Variants in DTX1 observed in about 807,000 individuals in gnomAD.
DTX1 encodes the protein E3 ubiquitin-protein ligase DTX1.
Under a neutral mutation model 57.8 loss-of-function variants are expected in DTX1, and 26 were observed. The ratio of observed to expected loss-of-function variants is 0.45; its 90% CI spans 0.33 to 0.62. The LOEUF (loss-of-function observed/expected upper bound fraction) is 0.62, where lower values mean the gene tolerates loss of function less well. Among genes scored for constraint, DTX1 ranks in the 20% least tolerant of loss-of-function variants. The pLI, the probability that DTX1 is intolerant of heterozygous loss-of-function variation, is 0.02. For synonymous variants in DTX1, 398 were observed against 394.1 expected, an observed-to-expected ratio of 1.01 and a Z score of -0.12; for missense variants, 704 against 895.3, an observed-to-expected ratio of 0.79 and a Z score of 2.73.
At chr12:113,086,041 G>A (rs567289141) in intron 3 of DTX1, among the ~76,000 whole-genome samples, 1 of 152,284 alleles carries the variant, frequency 6.6e-6, no homozygotes, top group East Asian at 1.9e-4. Flanking sequence ...GCTAAGGTGG[G>A]AGGATCACTT....
In DTX1 at chr12:113,078,030, C is replaced by T; in HGVS notation, c.866C>T (p.Pro289Leu). ...GGCGCCCCCGGCGGAGCGCGCACCCCGGGGCAGAACAACCTCAACCGGCCC... is the reference window on the plus strand; with the variant it reads ...GGCGCCCCCGGCGGAGCGCGCACCCTGGGGCAGAACAACCTCAACCGGCCC... ...SPGAPGGART[P>L]GQNNLNRPGP... Residue 289 changes from proline to leucine, a missense_variant, in exon 3 of 10, where the codon CCG becomes CTG. Transcript: ENST00000548759. 6.2e-6 allele frequency: 8 copies of T among 1,280,966 alleles called. No individual in the cohort carries two copies. The highest frequency in any genetic ancestry group is 7.9e-6 in the Non-Finnish European group (8 of 1,010,982). 79.3% of individuals were successfully genotyped at this position (1,280,966 alleles called of 1,614,324 possible).
At chr12:113,092,885 C>T (rs1400589196) in intron 3 of DTX1, among the ~76,000 whole-genome samples, 1 of 152,238 alleles carries the variant, frequency 6.6e-6, no homozygotes, top group African/African-American at 2.4e-5. Flanking sequence ...CCAAAGCGCC[C>T]TCTCGAGGGA....
chr12:113,069,408 C>A (rs2044725518), intron 2 of DTX1, among the ~76,000 whole-genome samples: 2 of 152,172 alleles, frequency 1.3e-5, no homozygotes, highest in African/African-American at 4.8e-5. Flanking sequence ...CGCAGCCCTT[C>A]AGCCTTCCTT....
Position 113,057,461 on chromosome 12 carries a change from A to G in DTX1, c.-732A>G, listed in dbSNP as rs1345951341. ...TGTCTCCTGGCAGGTCGCGAGCACGAGTGGGGTGGGGCGTGCCCACGGGCC... is the reference window on the plus strand; with the variant it reads ...TGTCTCCTGGCAGGTCGCGAGCACGGGTGGGGTGGGGCGTGCCCACGGGCC... On this transcript the variant is annotated 5_prime_UTR_variant, in exon 2 of 10. Transcript: ENST00000548759. The G allele has an allele frequency of 6.6e-6, 1 of 151,890 alleles. No homozygotes were observed. Among genetic ancestry groups the G allele is most frequent in the Non-Finnish European group, 1.5e-5 (1 of 68,164 alleles). The allele number at this position is 151,890 out of a possible 1,614,324, so 9.4% of individuals were successfully genotyped here.
chr12:113,086,304 A>G (rs1855720008), intron 3 of DTX1, among the ~76,000 whole-genome samples: 2 of 151,694 alleles, frequency 1.3e-5, no homozygotes, highest in African/African-American at 4.8e-5. Flanking sequence ...GAGCATTCCA[A>G]CATGCCAGAC....
At chr12:113,070,804 A>G (rs1010295378) in intron 2 of DTX1, among the ~76,000 whole-genome samples, 6 of 152,086 alleles carry the variant, frequency 3.9e-5, no homozygotes, top group Non-Finnish European at 7.4e-5. Flanking sequence ...CCTTTACTCC[A>G]CGAGTGTGGC....
In DTX1 at chr12:113,093,475, C is replaced by A. The variant is rs1373744750; in HGVS notation, c.1004-64C>A. 1.7e-5 allele frequency: 20 copies of A among 1,180,680 alleles called. No homozygotes were observed. In the Admixed American group the frequency reaches 2.9e-4, roughly 17 times the overall value. 73.1% of individuals were successfully genotyped at this position (1,180,680 alleles called of 1,614,324 possible). ...CCCGAGGGCCCCGGGATTCCCAGGGCCAGTGGTCGGGGGTTTGGGCGGGGA... is the reference window on the plus strand; with the variant it reads ...CCCGAGGGCCCCGGGATTCCCAGGGACAGTGGTCGGGGGTTTGGGCGGGGA... On this transcript the variant is annotated intron_variant, in intron 4 of 9. Transcript: ENST00000548759. The surrounding 1 kb of genome is among the most constrained non-coding windows in gnomAD (Gnocchi z 4.2).
intron 1 of DTX1, among the ~76,000 whole-genome samples, chr12:113,057,179 C>T (rs1475737211): frequency 6.6e-6 from 1 of 152,012 alleles, no homozygotes; most frequent in Non-Finnish European, 1.5e-5. Context: ...CCGGCATCCC[C>T]CCGGCAGGGC....
chr12:113,085,994 AC>A (rs2044853996), intron 3 of DTX1, among the ~76,000 whole-genome samples: 1 of 152,206 alleles, frequency 6.6e-6, no homozygotes, highest in Admixed American at 6.5e-5. Flanking sequence ...TGGTCCAGGC[AC>A]TGTGGCTCAC....
In DTX1 at chr12:113,096,956, C is replaced by A. The variant is rs1179662028; in HGVS notation, c.*17C>A. 6.3e-7 allele frequency: 1 copy of A among 1,598,956 alleles called. No individual in the cohort carries two copies. Among genetic ancestry groups the A allele is most frequent in the Admixed American group, 1.7e-5 (1 of 59,082 alleles). ...AAGGCTTGAGGCCCAAGGCTGCCCA[C>A]CTTCCCTCCTGCTTTGCCCCTGGTC... is the stretch of plus-strand genomic sequence containing the variant. On this transcript the variant is annotated 3_prime_UTR_variant, in exon 10 of 10. Coordinates refer to ENST00000548759, the MANE Select transcript of DTX1 (RefSeq NM_004416.3).
chr12:113,084,535 A>G (rs1005455834), intron 3 of DTX1, among the ~76,000 whole-genome samples: 1 of 152,110 alleles, frequency 6.6e-6, no homozygotes, highest in African/African-American at 2.4e-5. Flanking sequence ...AAAGGTATGC[A>G]CCACCATGCC....
At chr12:113,088,073 A>G (rs763758735) in intron 3 of DTX1, among the ~76,000 whole-genome samples, 5 of 152,156 alleles carry the variant, frequency 3.3e-5, no homozygotes, top group Non-Finnish European at 5.9e-5. Flanking sequence ...TCAACTCCAG[A>G]TGGCTCCACA....
At chr12:113,078,685 T>C (rs1241527451) in intron 3 of DTX1, among the ~76,000 whole-genome samples, 3 of 152,216 alleles carry the variant, frequency 2.0e-5, no homozygotes, top group South Asian at 2.1e-4. Context: ...AATTCCAAAG[T>C]CTGTGCTGTG....
intron 2 of DTX1, among the ~76,000 whole-genome samples, chr12:113,066,891 C>T (rs2044706962): frequency 1.3e-5 from 2 of 152,126 alleles, no homozygotes; most frequent in African/African-American, 2.4e-5. Flanking sequence ...CAGGAGCTGC[C>T]GGGCTAGGAG....
At chr12:113,085,685 G>GT (rs2044851843) in intron 3 of DTX1, among the ~76,000 whole-genome samples, 5 of 152,166 alleles carry the variant, frequency 3.3e-5, no homozygotes, top group Admixed American at 2.0e-4. Context: ...ATGTTCATCT[G>GT]TTTTTTAATT....
chr12:113,077,276 G>C lies in DTX1; in HGVS notation c.260-148G>C. ...CCTCCTTCCTCTCCGTGCATGTGTT[G>C]ACCCTCTCCCCAAGTCTGGGTGGAC... On this transcript the variant is annotated intron_variant, in intron 2 of 9. Transcript: ENST00000548759. This position sits in a 1 kb window ranked among gnomAD's most constrained non-coding sequence, Gnocchi z 7.8. 2.3e-6 allele frequency: 2 copies of C among 880,434 alleles called. No individual in the cohort carries two copies. Among genetic ancestry groups the C allele is most frequent in the Non-Finnish European group, 3.4e-6 (2 of 592,448 alleles). The allele number at this position is 880,434 out of a possible 1,614,324, so 54.5% of individuals were successfully genotyped here.
chr12:113,071,450 T>G (rs1028033474), intron 2 of DTX1, among the ~76,000 whole-genome samples: 3 of 152,356 alleles, frequency 2.0e-5, no homozygotes, highest in South Asian at 4.1e-4. Context: ...ACGGAGCCCA[T>G]GTTTGTCACA....
chr12:113,090,277 A>G (rs986635487), intron 3 of DTX1, among the ~76,000 whole-genome samples: 2 of 152,192 alleles, frequency 1.3e-5, no homozygotes, highest in Admixed American at 6.5e-5. Context: ...GCCTCTATGC[A>G]TTCCTATAAA....
intron 2 of DTX1, among the ~76,000 whole-genome samples, chr12:113,059,004 T>C (rs57749572): frequency 0.076 from 11,519 of 152,090 alleles, 1,466 homozygotes; most frequent in African/African-American, 0.26. Context: ...TATCCTATAC[T>C]GGCTCCAAGT....
Sources: allele counts gnomAD v4.1 joint callset (sites outside exome capture counted in the v4.1 genomes callset), GRCh38; gene constraint gnomAD v4.1.1; non-coding constraint Gnocchi (gnomAD v3.1); transcripts MANE v1.5; gene names NCBI Gene and HGNC (gene_info 2026-07-23, HGNC 2026-07-21).